PCDHGA3: variants seen among roughly 807,000 people sequenced by gnomAD.
The protein encoded by PCDHGA3 is protocadherin gamma-A3.
A neutral mutation model predicts 58.5 loss-of-function variants in PCDHGA3; 40 were observed. The observed-to-expected ratio is 0.68, with a 90% CI of 0.53 to 0.89. The LOEUF (loss-of-function observed/expected upper bound fraction) is 0.89, where lower values mean the gene tolerates loss of function less well. Among genes scored for constraint, PCDHGA3 ranks in the 40% least tolerant of loss-of-function variants. PCDHGA3 has a pLI of 0.00. For missense variants in PCDHGA3, 1,223 were observed against 1,195.9 expected, an observed-to-expected ratio of 1.02 and a Z score of -0.33; for synonymous variants, 530 against 525.7, an observed-to-expected ratio of 1.01 and a Z score of -0.11.
chr5:141,393,744 G>A lies in PCDHGA3; in HGVS notation c.2424+47287G>A, dbSNP rs770821376. The A allele has an allele frequency of 2.0e-5, 32 of 1,613,750 alleles. No individual in the cohort carries two copies. The highest frequency in any genetic ancestry group is 2.7e-5 in the Non-Finnish European group (32 of 1,179,884). On this transcript the variant is annotated intron_variant, in intron 1 of 3. Coordinates refer to ENST00000253812, the MANE Select transcript of PCDHGA3 (RefSeq NM_018916.4). ...AATAGCAAAAAGTCTAGATTATGAAGAATGTTCATTTTATGAAATGGAAAT... is the reference window on the plus strand; with the variant it reads ...AATAGCAAAAAGTCTAGATTATGAAAAATGTTCATTTTATGAAATGGAAAT...
At chr5:141,426,830 C>A (rs559240163) in intron 1 of PCDHGA3, 301 of 456,662 alleles carry the variant, frequency 6.6e-4, no homozygotes, top group African/African-American at 5.8e-3. Flanking sequence ...TGATGATGGA[C>A]AAGACTAAAG....
intron 1 of PCDHGA3, chr5:141,390,095 TC>T (rs1456939693): frequency 6.2e-7 from 1 of 1,613,972 alleles, no homozygotes; most frequent in Non-Finnish European, 8.5e-7. Context: ...AATCCGTGGT[TC>T]CCCCCAACTA....
intron 1 of PCDHGA3, chr5:141,355,177 A>T (rs373402171): frequency 1.9e-6 from 3 of 1,579,772 alleles, no homozygotes; most frequent in Non-Finnish European, 2.6e-6. Context: ...ACCGAAGCAC[A>T]GGCGACTCCG....
At chr5:141,508,664 T>C (rs1381178258) in intron 3 of PCDHGA3, among the ~76,000 whole-genome samples, 1 of 152,030 alleles carries the variant, frequency 6.6e-6, no homozygotes, top group Non-Finnish European at 1.5e-5. Context: ...TGTCATTCTG[T>C]CTCTGCCTCC....
chr5:141,507,846 T>G (rs892503210), intron 3 of PCDHGA3, among the ~76,000 whole-genome samples: 1 of 152,134 alleles, frequency 6.6e-6, no homozygotes, highest in African/African-American at 2.4e-5. Context: ...CAGGCCCTGC[T>G]CTCACTTTCA....
intron 1 of PCDHGA3, among the ~76,000 whole-genome samples, chr5:141,482,804 G>T (rs1431490730): frequency 6.6e-6 from 1 of 152,194 alleles, no homozygotes; most frequent in East Asian, 1.9e-4. Flanking sequence ...GGGTACGGTG[G>T]CTCATGCCTG....
At chr5:141,427,092 G>T in intron 1 of PCDHGA3, 1 of 458,134 alleles carries the variant, frequency 2.2e-6, no homozygotes, top group Non-Finnish European at 4.4e-6. Flanking sequence ...CCAGGATGAG[G>T]GTGTCAATGC....
chr5:141,400,776 G>A (rs1461818790), intron 1 of PCDHGA3: 9 of 557,602 alleles, frequency 1.6e-5, no homozygotes, highest in Middle Eastern at 4.6e-4. Context: ...CATTTGGTGC[G>A]TTTTTTTGTC....
At position 141,372,541 on chromosome 5, in the gene PCDHGA3, G is replaced by C. The variant is rs376822583; in HGVS notation, c.2424+26084G>C. Reference sequence around the variant, plus strand: ...ATTCTGGCAATCTCCCTGCGCCTGCGATGCTCCTCCAGACCCGCCACTGAG... The same window carrying C: ...ATTCTGGCAATCTCCCTGCGCCTGCCATGCTCCTCCAGACCCGCCACTGAG... On this transcript the variant is annotated intron_variant, in intron 1 of 3. Transcript: ENST00000253812. 2.5e-6 allele frequency: 4 copies of C among 1,613,980 alleles called. No individual in the cohort carries two copies. The South Asian group carries it at 4.4e-5, about 18-fold the overall frequency.
rs374181150 is a variant in PCDHGA3, at chr5:141,477,134, G to C, written c.2425-17673G>C. The C allele has an allele frequency of 2.5e-5, 41 of 1,614,092 alleles. No homozygotes were observed. Among genetic ancestry groups the C allele is most frequent in the Non-Finnish European group, 3.4e-5 (40 of 1,180,056 alleles). ...CGAAGGAGCACATTGCAAAGTGTTG[G>C]TGGAGGTTGTGGATGTGAATGACAA... is the stretch of plus-strand genomic sequence containing the variant. On this transcript the variant is annotated intron_variant, in intron 1 of 3. Coordinates refer to ENST00000253812, the MANE Select transcript of PCDHGA3 (RefSeq NM_018916.4). The surrounding 1 kb of genome is among the most constrained non-coding windows in gnomAD (Gnocchi z 4.9).
intron 1 of PCDHGA3, chr5:141,478,160 GC>G (rs764598056): frequency 1.9e-6 from 3 of 1,613,964 alleles, no homozygotes; most frequent in Non-Finnish European, 2.5e-6. Flanking sequence ...CTCTGGCTCT[GC>G]CCCCCGGGAG....
At chr5:141,457,802 T>C (rs1332412750) in intron 1 of PCDHGA3, among the ~76,000 whole-genome samples, 1 of 152,210 alleles carries the variant, frequency 6.6e-6, no homozygotes, top group Non-Finnish European at 1.5e-5. Context: ...TCCTCTCCTC[T>C]TGAGGTCCCA....
chr5:141,495,300 C>T (rs1249195819), intron 2 of PCDHGA3, among the ~76,000 whole-genome samples: 1 of 152,204 alleles, frequency 6.6e-6, no homozygotes, highest in Non-Finnish European at 1.5e-5. Context: ...AGCGCCTCCT[C>T]CAGAGCCTCC....
chr5:141,453,746 T>C (rs1345046460), intron 1 of PCDHGA3, among the ~76,000 whole-genome samples: 1 of 152,254 alleles, frequency 6.6e-6, no homozygotes, highest in Non-Finnish European at 1.5e-5. Flanking sequence ...TTAAATAACA[T>C]AAGTCTCCTA....
At chr5:141,404,211 T>G in intron 1 of PCDHGA3, 1 of 1,613,724 alleles carries the variant, frequency 6.2e-7, no homozygotes, top group East Asian at 2.2e-5. Context: ...GAATATAATA[T>G]CACGGTGACT....
In PCDHGA3 at chr5:141,344,626, G is replaced by A. The variant is rs776148774; in HGVS notation, c.593G>A (p.Arg198Gln). The A allele has an allele frequency of 5.0e-6, 8 of 1,613,928 alleles. No homozygotes were observed. The South Asian group carries it at 6.6e-5, about 13-fold the overall frequency. The change falls in exon 1 of 4, where the codon CGG becomes CAG. Residue 198 changes from arginine (R) to glutamine (Q), a missense_variant. Physicochemically the swap from Arg to Gln is conservative, Grantham distance 43. This residue lies in a region of PCDHGA3 where 791 missense variants were observed against 708.5 expected (regional missense o/e 1.12). Transcript: ENST00000253812. ...GAKYPELVLE[R>Q]ALDREKKEIH... is the part of the protein sequence containing the mutation. ...AAGTATCCAGAGCTGGTGCTGGAGC[G>A]GGCCCTGGACCGTGAGAAAAAAGAA...
chr5:141,354,091 C>T (rs1759467411), intron 1 of PCDHGA3, among the ~76,000 whole-genome samples: 1 of 152,152 alleles, frequency 6.6e-6, no homozygotes, highest in East Asian at 1.9e-4. Flanking sequence ...CTTTTACTGG[C>T]TATTTCTAAA....
chr5:141,360,004 CA>C (rs1761388833), intron 1 of PCDHGA3: 1 of 1,185,444 alleles, frequency 8.4e-7, no homozygotes, highest in African/African-American at 1.5e-5. Flanking sequence ...CTGCACAAAC[CA>C]ACCACACAGA....
At position 141,346,438 on chromosome 5, in the gene PCDHGA3, G is replaced by C; in HGVS notation, c.2405G>C (p.Gly802Ala). Residue 802 changes from glycine (G) to alanine (A), a missense_variant, in exon 1 of 4, where the codon GGA (glycine) becomes GCA (alanine). Gly to Ala is a moderately conservative substitution (Grantham distance 60). This residue lies in a region of PCDHGA3 where 325 missense variants were observed against 327.5 expected (regional missense o/e 0.99). Coordinates refer to ENST00000253812, the MANE Select transcript of PCDHGA3 (RefSeq NM_018916.4). ...ACTCAGGATTTACTTGAAATGAAAG[G>C]AGATTCCAACCTACTTCAGGTGAGT... The part of the protein sequence containing the change: ...LITQDLLEMK[G>A]DSNLLQQAPP... The C allele has an allele frequency of 1.9e-6, 3 of 1,614,230 alleles. No individual in the cohort carries two copies. In the Middle Eastern group the frequency reaches 4.9e-4, roughly 266 times the overall value.
Sources: allele counts gnomAD v4.1 joint callset (sites outside exome capture counted in the v4.1 genomes callset), GRCh38; gene constraint gnomAD v4.1.1; regional missense constraint gnomAD v4.1.1; non-coding constraint Gnocchi (gnomAD v3.1); transcripts MANE v1.5; gene names NCBI Gene and HGNC (gene_info 2026-07-23, HGNC 2026-07-21).